The following PDE8B variants were observed in gnomAD, a reference collection of about 807,000 sequenced individuals.
PDE8B encodes the protein high affinity cAMP-specific and IBMX-insensitive 3',5'-cyclic phosphodiesterase 8B.
PDE8B carries 26 observed loss-of-function variants against 101.3 expected under a neutral mutation model. The ratio of observed to expected loss-of-function variants is 0.26; its 90% CI spans 0.19 to 0.36. The LOEUF (loss-of-function observed/expected upper bound fraction) is 0.36. Among genes scored for constraint, PDE8B ranks in the 10% least tolerant of loss-of-function variants. The probability of loss-of-function intolerance (pLI) is 1.00; values close to 1 mark genes in which losing one functional copy is unlikely to be tolerated. For synonymous variants in PDE8B, 424 were observed against 429.3 expected, an observed-to-expected ratio of 0.99 and a Z score of 0.15; for missense variants, 810 against 1,163.1, an observed-to-expected ratio of 0.70 and a Z score of 4.42.
the PDE8B span, among the ~76,000 whole-genome samples, chr5:77,183,979 TTA>T: frequency 6.6e-6 from 1 of 151,520 alleles, no homozygotes; most frequent in African/African-American, 2.4e-5. Context: ...CTTTTTTTTT[TTA>T]AAAAAAAACA....
intron 1 of PDE8B, among the ~76,000 whole-genome samples, chr5:77,222,436 A>G (rs1040610480): frequency 6.6e-6 from 1 of 152,196 alleles, no homozygotes; most frequent in African/African-American, 2.4e-5. Flanking sequence ...ATCCTGACCA[A>G]CATGGTGAAA....
intron 1 of PDE8B, among the ~76,000 whole-genome samples, chr5:77,244,624 C>T (rs1451140068): frequency 6.6e-6 from 1 of 152,046 alleles, no homozygotes; most frequent in African/African-American, 2.4e-5. Flanking sequence ...TCACTTTATA[C>T]TAAGTACTTT....
chr5:77,291,714 G>T, intron 1 of PDE8B: 2 of 1,593,642 alleles, frequency 1.3e-6, no homozygotes, highest in Non-Finnish European at 1.7e-6. Flanking sequence ...ATCTGGCAGT[G>T]ATGCCTGGAA....
chr5:77,197,877 C>T, the PDE8B span, among the ~76,000 whole-genome samples: 1 of 127,214 alleles, frequency 7.9e-6, no homozygotes, highest in Non-Finnish European at 1.7e-5. Context: ...TCTCTTCTCA[C>T]AATGCTTGTT....
the PDE8B span, among the ~76,000 whole-genome samples, chr5:77,173,855 T>TGA: frequency 6.6e-6 from 1 of 152,174 alleles, no homozygotes; most frequent in Non-Finnish European, 1.5e-5. Flanking sequence ...TTATTTTCTA[T>TGA]GAGAACATTA....
At chr5:77,309,342 G>A (rs1378698108) in intron 1 of PDE8B, among the ~76,000 whole-genome samples, 4 of 152,166 alleles carry the variant, frequency 2.6e-5, no homozygotes, top group South Asian at 2.1e-4. Flanking sequence ...TGGACAGCCT[G>A]TGCCCTTCTT....
In PDE8B at chr5:77,426,365, G is replaced by C. The variant is rs1581665964; in HGVS notation, c.2549-80G>C. 5.3e-5 allele frequency: 47 copies of C among 895,162 alleles called. 1 individual carries two copies. The South Asian group carries it at 6.5e-4, about 12-fold the overall frequency. The allele number at this position is 895,162 out of a possible 1,614,324, so 55.5% of individuals were successfully genotyped here. On this transcript the variant is annotated intron_variant, in intron 21 of 21. Coordinates refer to ENST00000264917, the MANE Select transcript of PDE8B (RefSeq NM_003719.5). ...CTCCTCTAATTCTGATCCCAAACTTGTCCCAGACACCCCCAGGCTTATAAA... is the reference window on the plus strand; with the variant it reads ...CTCCTCTAATTCTGATCCCAAACTTCTCCCAGACACCCCCAGGCTTATAAA...
the PDE8B span, among the ~76,000 whole-genome samples, chr5:77,128,355 C>A: frequency 6.6e-6 from 1 of 152,340 alleles, no homozygotes; most frequent in East Asian, 1.9e-4. Flanking sequence ...CCTTTGAAGT[C>A]TGGGTAAAGA....
intron 6 of PDE8B, among the ~76,000 whole-genome samples, chr5:77,341,228 GA>G (rs1779159348): frequency 6.6e-6 from 1 of 152,180 alleles, no homozygotes; most frequent in African/African-American, 2.4e-5. Context: ...TTGAGAGCCT[GA>G]ATAAACGTTG....
At chr5:77,122,229 A>T in the PDE8B span, among the ~76,000 whole-genome samples, 3 of 152,210 alleles carry the variant, frequency 2.0e-5, no homozygotes, top group African/African-American at 7.2e-5. Flanking sequence ...CACCATCACC[A>T]GTCATGGAAT....
chr5:77,130,150 G>C, the PDE8B span, among the ~76,000 whole-genome samples: 21 of 152,012 alleles, frequency 1.4e-4, no homozygotes, highest in Middle Eastern at 6.4e-3. Context: ...TGGGGCGGGG[G>C]TGAGGGAGGG....
intron 9 of PDE8B, among the ~76,000 whole-genome samples, chr5:77,351,758 C>T (rs1428808418): frequency 6.6e-6 from 1 of 152,144 alleles, no homozygotes; most frequent in African/African-American, 2.4e-5. Flanking sequence ...GACCCCCTAA[C>T]CATACATCAT....
rs71594634 is a variant in PDE8B at position 77,423,632 on chromosome 5, G to GTTTTTTTTTTTTTTT, written c.2418+1657_2418+1671dup. On this transcript the variant is annotated intron_variant, in intron 20 of 21. Coordinates refer to ENST00000264917, the MANE Select transcript of PDE8B (RefSeq NM_003719.5). ...TGATGCTGGACTTTTGTTTTGTTTA[G>GTTTTTTTTTTTTTTT]TTTTTTTTTTTTTTTTTTTTTTTTT... Among the ~76,000 whole-genome samples the GTTTTTTTTTTTTTTT allele has an allele frequency of 2.9e-3, 217 of 74,018 alleles. 43 individuals carry two copies. Among genetic ancestry groups the GTTTTTTTTTTTTTTT allele is most frequent in the Non-Finnish European group, 3.8e-3 (147 of 38,394 alleles). The allele number at this position is 74,018 out of a possible 152,430, so 48.6% of individuals were successfully genotyped here. A position where few individuals can be genotyped will look rare whatever the true frequency, so the allele number is the denominator to read the frequency against.
At chr5:77,151,007 T>C in the PDE8B span, among the ~76,000 whole-genome samples, 1 of 152,204 alleles carries the variant, frequency 6.6e-6, no homozygotes, top group Admixed American at 6.5e-5. Flanking sequence ...TAGAATTGTG[T>C]TTATATGAAT....
chr5:77,221,233 A>G (rs1751035439), intron 1 of PDE8B, among the ~76,000 whole-genome samples: 1 of 152,186 alleles, frequency 6.6e-6, no homozygotes, highest in South Asian at 2.1e-4. Flanking sequence ...GTAGGTTGCT[A>G]TGCCTCTTAA....
At chr5:77,260,823 G>T (rs990605566) in intron 1 of PDE8B, among the ~76,000 whole-genome samples, 1 of 151,866 alleles carries the variant, frequency 6.6e-6, no homozygotes, top group Admixed American at 6.6e-5. Context: ...TGAACTCCTA[G>T]CCTCAAGTGA....
chr5:77,126,438 T>G, the PDE8B span, among the ~76,000 whole-genome samples: 1 of 152,222 alleles, frequency 6.6e-6, no homozygotes, highest in East Asian at 1.9e-4. Context: ...AAACTTTATT[T>G]TTTTTGAGAC....
In PDE8B at chr5:77,361,748, T is replaced by C. The variant is rs563880563; in HGVS notation, c.1167+8342T>C. On this transcript the variant is annotated intron_variant, in intron 10 of 21. Transcript: ENST00000264917. Reference sequence around the variant, plus strand: ...CCAGGATGGTCTCGATCTCCTGACCTTGTGATCCACCCGCCTCGGCCTCCT... The same window carrying C: ...CCAGGATGGTCTCGATCTCCTGACCCTGTGATCCACCCGCCTCGGCCTCCT... 3.0e-4 allele frequency among the ~76,000 whole-genome samples: 45 copies of C among 152,226 alleles called. No homozygotes were observed. The East Asian group carries it at 8.5e-3, about 29-fold the overall frequency.
At chr5:77,137,934 A>G in the PDE8B span, among the ~76,000 whole-genome samples, 193 of 152,278 alleles carry the variant, frequency 1.3e-3, no homozygotes, top group Non-Finnish European at 1.9e-3. Context: ...CATGCTGCCC[A>G]CCCAGAAGCA....
Sources: allele counts gnomAD v4.1 joint callset (sites outside exome capture counted in the v4.1 genomes callset), GRCh38; gene constraint gnomAD v4.1.1; transcripts MANE v1.5; gene names NCBI Gene and HGNC (gene_info 2026-07-23, HGNC 2026-07-21).